PCCA: variants seen among roughly 807,000 people sequenced by gnomAD.
PCCA encodes the protein propionyl-CoA carboxylase subunit alpha, also known as propionyl-CoA carboxylase alpha chain, mitochondrial.
In PCCA, 74 loss-of-function variants were observed where a neutral mutation model predicts 101.3. That is an observed-to-expected ratio of 0.73 (90% CI 0.61 to 0.89). PCCA has a LOEUF of 0.89. PCCA is among the 40% of genes least tolerant of loss of function. PCCA has a pLI of 0.00. For synonymous variants in PCCA, 294 were observed against 313.6 expected, an observed-to-expected ratio of 0.94 and a Z score of 0.66; for missense variants, 891 against 907.0, an observed-to-expected ratio of 0.98 and a Z score of 0.23.
At chr13:100,290,728 C>G (rs772390673) in intron 12 of PCCA, among the ~76,000 whole-genome samples, 2 of 152,112 alleles carry the variant, frequency 1.3e-5, no homozygotes, top group African/African-American at 2.4e-5. Flanking sequence ...CTAGTTTTTG[C>G]AATTTAGGTC....
chr13:100,526,639 C>T (rs975695973), intron 22 of PCCA, among the ~76,000 whole-genome samples: 1 of 152,266 alleles, frequency 6.6e-6, no homozygotes, highest in South Asian at 2.1e-4. Context: ...CCAGGACACC[C>T]ACCCACACCA....
intron 12 of PCCA, among the ~76,000 whole-genome samples, chr13:100,296,458 T>C (rs2150886): frequency 0.93 from 140,516 of 151,124 alleles, 66,196 homozygotes; most frequent in East Asian, 1. Context: ...TGCCATGTTG[T>C]CCAGTCTGCT....
At chr13:100,188,209 C>T (rs1057244820) in intron 6 of PCCA, among the ~76,000 whole-genome samples, 6 of 152,158 alleles carry the variant, frequency 3.9e-5, no homozygotes. Flanking sequence ...AGGAGAATCG[C>T]TTGAAGCCGG....
intron 12 of PCCA, among the ~76,000 whole-genome samples, chr13:100,284,541 C>T (rs1247629931): frequency 6.6e-6 from 1 of 152,234 alleles, no homozygotes; most frequent in African/African-American, 2.4e-5. Flanking sequence ...TGAGGAAATG[C>T]AGCAGTCCCT....
In PCCA at chr13:100,499,305, A is replaced by C. The variant is rs55819623; in HGVS notation, c.1900-16122A>C. On this transcript the variant is annotated intron_variant, in intron 21 of 23. Coordinates refer to ENST00000376285, the MANE Select transcript of PCCA (RefSeq NM_000282.4). ...TAGTTTTGTATCCCGGAAGATAATC[A>C]TTGTTCCATTCAGGTGTTGGGCAGA... is the stretch of plus-strand genomic sequence containing the variant. Among the ~76,000 whole-genome samples, 380 of 152,354 alleles carry C rather than the reference A, an allele frequency of 2.5e-3. 2 individuals carry two copies. The highest frequency in any genetic ancestry group is 8.3e-3 in the African/African-American group (346 of 41,584).
chr13:100,164,269 GTT>G (rs1157351734), intron 6 of PCCA, among the ~76,000 whole-genome samples: 3 of 152,144 alleles, frequency 2.0e-5, no homozygotes, highest in Admixed American at 2.0e-4. Flanking sequence ...AAGGTTGAAG[GTT>G]TTATTAGATA....
At chr13:100,232,656 C>T (rs2060565772) in intron 7 of PCCA, among the ~76,000 whole-genome samples, 1 of 152,126 alleles carries the variant, frequency 6.6e-6, no homozygotes, top group South Asian at 2.1e-4. Context: ...GCTGGGATTA[C>T]AGGTGTGAGC....
At chr13:100,123,765 G>C (rs917544919) in intron 4 of PCCA, among the ~76,000 whole-genome samples, 5 of 152,124 alleles carry the variant, frequency 3.3e-5, no homozygotes, top group Admixed American at 2.6e-4. Context: ...TAGGTCTATG[G>C]AATACATTTG....
In PCCA at chr13:100,184,518, C is replaced by T. The variant is rs369818906; in HGVS notation, c.469-24814C>T. Among the ~76,000 whole-genome samples, 13 of 152,288 alleles carry T rather than the reference C, an allele frequency of 8.5e-5. No individual in the cohort carries two copies. In the East Asian group the frequency reaches 2.1e-3, roughly 25 times the overall value. On this transcript the variant is annotated intron_variant, in intron 6 of 23. Transcript: ENST00000376285. ...CTTATGATGACTGGAATCGTACGCC[C>T]TTTCATCATATAGACCAGCATTTGG...
chr13:100,368,312 A>T (rs2075346206), intron 18 of PCCA, among the ~76,000 whole-genome samples, 160 bp from the exon 19 acceptor site: 1 of 152,226 alleles, frequency 6.6e-6, no homozygotes, highest in African/African-American at 2.4e-5. Context: ...GGCAATTCAA[A>T]TTCATAGATA....
At chr13:100,423,506 C>T (rs897004113) in intron 19 of PCCA, among the ~76,000 whole-genome samples, 6 of 152,194 alleles carry the variant, frequency 3.9e-5, no homozygotes, top group African/African-American at 7.2e-5. Context: ...TCCCTTGCCC[C>T]GCTTATACTG....
In PCCA at chr13:100,323,165, A is replaced by G. The variant is rs137887583; in HGVS notation, c.1430-7396A>G. Among the ~76,000 whole-genome samples the G allele has an allele frequency of 1.9e-3, 297 of 152,372 alleles. 1 individual carries two copies. Among genetic ancestry groups the G allele is most frequent in the African/African-American group, 6.9e-3 (289 of 41,594 alleles). ...GAAAACAGTCATATGTAAGCAAACC[A>G]GGCTGGCTGTGTTCTAATAAAACTT... is the stretch of plus-strand genomic sequence containing the variant. On this transcript the variant is annotated intron_variant, in intron 16 of 23. Transcript: ENST00000376285.
intron 6 of PCCA, chr13:100,198,069 C>T (rs2058230086): frequency 6.6e-6 from 1 of 152,334 alleles, no homozygotes; most frequent in South Asian, 2.1e-4. Flanking sequence ...CACAGTGTTG[C>T]ACAGCTTGCC....
intron 6 of PCCA, chr13:100,198,187 C>T (rs1333686910): frequency 6.6e-6 from 1 of 152,214 alleles, no homozygotes; most frequent in Non-Finnish European, 1.5e-5. Context: ...TGGTGGTACC[C>T]AGACCTTTAC....
chr13:100,173,153 G>A (rs1235764010), intron 6 of PCCA, among the ~76,000 whole-genome samples: 1 of 152,168 alleles, frequency 6.6e-6, no homozygotes, highest in Non-Finnish European at 1.5e-5. Context: ...GCTAGCAGTG[G>A]GAAAAACAGG....
chr13:100,367,340 G>A (rs2152810057), intron 18 of PCCA, among the ~76,000 whole-genome samples: 1 of 152,124 alleles, frequency 6.6e-6, no homozygotes, highest in South Asian at 2.1e-4. Context: ...GGGGGTTTTA[G>A]GTGATGGGGA....
At chr13:100,201,234 A>G (rs1204749640) in intron 6 of PCCA, among the ~76,000 whole-genome samples, 2 of 152,160 alleles carry the variant, frequency 1.3e-5, no homozygotes, top group Admixed American at 6.5e-5. Context: ...TTTTAGCTCT[A>G]CAAGTAAATC....
At chr13:100,372,912 T>C (rs1034116182) in intron 19 of PCCA, among the ~76,000 whole-genome samples, 2 of 152,110 alleles carry the variant, frequency 1.3e-5, no homozygotes, top group African/African-American at 4.8e-5. Context: ...GCTAATTTTT[T>C]TTTGTATTTT....
intron 7 of PCCA, among the ~76,000 whole-genome samples, chr13:100,233,426 T>C (rs2060606808): frequency 6.6e-6 from 1 of 152,166 alleles, no homozygotes; most frequent in Non-Finnish European, 1.5e-5. Flanking sequence ...TGATTGTTGG[T>C]CCTTTTTTTA....
Sources: gnomAD v4.1 joint callset for allele counts (sites outside exome capture counted in the v4.1 genomes callset) on GRCh38, gnomAD v4.1.1 for gene constraint, MANE v1.5 for transcripts, NCBI Gene and HGNC (gene_info 2026-07-23, HGNC 2026-07-21) for gene names.